ABL1: variants seen among roughly 807,000 people sequenced by gnomAD.
ABL1 encodes the protein ABL proto-oncogene 1, non-receptor tyrosine kinase.
A neutral mutation model predicts 94.7 loss-of-function variants in ABL1; 11 were observed. That is an observed-to-expected ratio of 0.12 (90% CI 0.07 to 0.19). ABL1 has a LOEUF of 0.19. ABL1 is among the 10% of genes least tolerant of loss of function. The probability of loss-of-function intolerance (pLI) is 1.00; values close to 1 mark genes in which losing one functional copy is unlikely to be tolerated. For missense variants in ABL1, 1,082 were observed against 1,489.4 expected (o/e 0.73, Z 4.50); for synonymous variants, 656 against 622.4 (o/e 1.05, Z -0.80).
In ABL1 at chr9:130,815,987, C is replaced by T. The variant is rs549852061; in HGVS notation, c.137-38077C>T. On this transcript the variant is annotated intron_variant, in intron 1 of 10. Transcript: ENST00000372348. ...GAGCCAAGACTGCGCCACTGCACTC[C>T]AGCCTGGGCAACAAGAGTGAGACTC... Among the ~76,000 whole-genome samples, 24 of 152,296 alleles carry T rather than the reference C, an allele frequency of 1.6e-4. No homozygotes were observed. The South Asian group carries it at 5.0e-3, about 32-fold the overall frequency.
chr9:130,828,953 T>C (rs886560303), intron 1 of ABL1, among the ~76,000 whole-genome samples: 1 of 152,128 alleles, frequency 6.6e-6, no homozygotes, highest in Non-Finnish European at 1.5e-5. Context: ...GGCCATATCA[T>C]TGTGAAAGTT....
At chr9:130,745,832 C>G (rs1167653159) in intron 1 of ABL1, among the ~76,000 whole-genome samples, 5 of 152,038 alleles carry the variant, frequency 3.3e-5, no homozygotes, top group African/African-American at 9.7e-5. Context: ...GAATGTACCC[C>G]TACCAAATTG....
chr9:130,742,147 G>T (rs1831828410), intron 1 of ABL1, among the ~76,000 whole-genome samples: 1 of 151,926 alleles, frequency 6.6e-6, no homozygotes, highest in Non-Finnish European at 1.5e-5. Flanking sequence ...CCTGGTTTTG[G>T]CTGAACTCAA....
intron 1 of ABL1, among the ~76,000 whole-genome samples, chr9:130,847,133 C>T (rs1407351599): frequency 6.6e-6 from 1 of 151,974 alleles, no homozygotes; most frequent in Non-Finnish European, 1.5e-5. Context: ...GAGTGGAAAC[C>T]TTTTTGTTAA....
Position 130,854,171 on chromosome 9 carries a change from C to T in ABL1, c.187C>T (p.Pro63Ser). ...TCTCGCTGGACCCAGTGAAAATGAC[C>T]CCAACCTTTTCGTTGCACTGTATGA... Reference protein sequence around the residue: ...NLLAGPSENDPNLFVALYDFV... With the variant: ...NLLAGPSENDSNLFVALYDFV... The change falls in exon 2 of 11, where the codon CCC becomes TCC. Residue 63 changes from proline to serine, a missense_variant. By Grantham distance (74) the Pro-to-Ser change is moderately conservative. This residue lies in a region of ABL1 where 65 missense variants were observed against 80.8 expected (regional missense o/e 0.80). Transcript: ENST00000318560. The T allele has an allele frequency of 6.2e-7, 1 of 1,614,134 alleles. No homozygotes were observed. Among genetic ancestry groups the T allele is most frequent in the East Asian group, 2.2e-5 (1 of 44,884 alleles).
In ABL1 at chr9:130,880,644, C is replaced by T. The variant is rs1439893264; in HGVS notation, c.1658C>T (p.Ser553Phe). 6.2e-7 allele frequency: 1 copy of T among 1,613,606 alleles called. No individual in the cohort carries two copies. The highest frequency in any genetic ancestry group is 8.5e-7 in the Non-Finnish European group (1 of 1,179,842). Residue 553 changes from serine to phenylalanine, a missense_variant, in exon 10 of 11, where the codon TCC becomes TTC. This residue lies in a region of ABL1 where 780 missense variants were observed against 835.8 expected (regional missense o/e 0.93). Transcript: ENST00000318560. This position sits in a 1 kb window ranked among gnomAD's most constrained non-coding sequence, Gnocchi z 4.4. ...ACTGACGTGCCTGAGATGCCTCACTCCAAGGGCCAGGGAGAGAGCGGTAAG... is the reference window on the plus strand; with the variant it reads ...ACTGACGTGCCTGAGATGCCTCACTTCAAGGGCCAGGGAGAGAGCGGTAAG... ...DTTDVPEMPH[S>F]KGQGESDPLD...
chr9:130,741,224 G>T (rs1278158534), intron 1 of ABL1, among the ~76,000 whole-genome samples: 7 of 152,132 alleles, frequency 4.6e-5, no homozygotes, highest in African/African-American at 1.7e-4. Context: ...GCTAGTCATG[G>T]TGCTGCCTGG....
At chr9:130,827,811 T>C (rs1032116978) in intron 1 of ABL1, among the ~76,000 whole-genome samples, 1 of 151,880 alleles carries the variant, frequency 6.6e-6, no homozygotes, top group South Asian at 2.1e-4. Context: ...GGAGAATTGC[T>C]TGAACCTGGG....
intron 1 of ABL1, among the ~76,000 whole-genome samples, chr9:130,813,529 CCA>C (rs1230153587): frequency 7.1e-6 from 1 of 140,162 alleles, no homozygotes; most frequent in South Asian, 2.2e-4. Flanking sequence ...TCACTGCACT[CCA>C]GCCTGGCTGA....
intron 6 of ABL1, 119 bp downstream of exon 6, chr9:130,873,156 C>A: frequency 9.4e-7 from 1 of 1,058,676 alleles, no homozygotes; most frequent in Non-Finnish European, 1.3e-6. Flanking sequence ...TCAGTGCTGG[C>A]AACACATTGG....
chr9:130,730,287 C>A (rs1418488003), intron 1 of ABL1, among the ~76,000 whole-genome samples: 1 of 151,986 alleles, frequency 6.6e-6, no homozygotes, highest in Admixed American at 6.6e-5. Context: ...GGTGATCCGC[C>A]CACCTCGGCC....
chr9:130,812,221 AAATT>A lies in ABL1; in HGVS notation c.137-41841_137-41838del, dbSNP rs1362464184. The stretch of plus-strand genomic sequence containing the variant: ...TCTACAAAAAAAAAAAAAAAAAAAA[AAATT>A]AGCCAGGTGTGGTGGTGTAGTTCCA... On this transcript the variant is annotated intron_variant, in intron 1 of 10. Transcript: ENST00000372348. Among the ~76,000 whole-genome samples the A allele has an allele frequency of 5.5e-3, 826 of 149,414 alleles. 6 individuals carry two copies. Among genetic ancestry groups the A allele is most frequent in the Non-Finnish European group, 9.8e-3 (662 of 67,374 alleles).
At chr9:130,846,780 C>T (rs958640842) in intron 1 of ABL1, among the ~76,000 whole-genome samples, 1 of 152,242 alleles carries the variant, frequency 6.6e-6, no homozygotes, top group Non-Finnish European at 1.5e-5. Flanking sequence ...GGCACAGCAC[C>T]AGCAGCCCCT....
intron 1 of ABL1, among the ~76,000 whole-genome samples, chr9:130,728,867 G>A (rs949468355): frequency 6.6e-6 from 1 of 152,098 alleles, no homozygotes; most frequent in Middle Eastern, 3.2e-3. Flanking sequence ...TGTACATTAT[G>A]AGTCAGATTT....
intron 1 of ABL1, among the ~76,000 whole-genome samples, chr9:130,717,385 T>C (rs1831456172): frequency 6.6e-6 from 1 of 152,004 alleles, no homozygotes; most frequent in Admixed American, 6.6e-5. Flanking sequence ...TATAAAATCA[T>C]GCACAGGTTA....
chr9:130,792,474 G>A (rs1449790877), intron 1 of ABL1, among the ~76,000 whole-genome samples: 3 of 151,696 alleles, frequency 2.0e-5, no homozygotes, highest in African/African-American at 7.3e-5. Context: ...ACCCCTAGTG[G>A]TCCTATGAGT....
intron 1 of ABL1, among the ~76,000 whole-genome samples, chr9:130,826,413 G>A (rs34167144): frequency 9.9e-4 from 150 of 152,100 alleles, no homozygotes; most frequent in African/African-American, 3.5e-3. Context: ...GAGCCACCAC[G>A]CCTGGCCAAA....
chr9:130,713,851 T>A (rs1342507120), exon 1 of ABL1: 1 of 225,684 alleles, frequency 4.4e-6, no homozygotes, highest in African/African-American at 2.2e-5. Flanking sequence ...GGCAGGAAAT[T>A]TGTTGGAAGA....
At chr9:130,866,533 G>T (rs895283767) in intron 4 of ABL1, among the ~76,000 whole-genome samples, 3 of 152,042 alleles carry the variant, frequency 2.0e-5, no homozygotes, top group African/African-American at 7.3e-5. Context: ...TTCTCCAAGG[G>T]CAGAGCCAGA....
Sources: allele counts gnomAD v4.1 joint callset (sites outside exome capture counted in the v4.1 genomes callset), GRCh38; gene constraint gnomAD v4.1.1; regional missense constraint gnomAD v4.1.1; non-coding constraint Gnocchi (gnomAD v3.1); transcripts MANE v1.5; gene names NCBI Gene and HGNC (gene_info 2026-07-23, HGNC 2026-07-21).